Variants in COL6A3 observed in about 807,000 individuals in gnomAD.
COL6A3 encodes the protein collagen type VI alpha 3 chain.
In COL6A3, 137 loss-of-function variants were observed where a neutral mutation model predicts 274.1. The ratio of observed to expected loss-of-function variants is 0.50; its 90% CI spans 0.44 to 0.58. The LOEUF is 0.58. COL6A3 is among the 20% of genes least tolerant of loss of function. COL6A3 has a pLI of 0.00. For missense variants in COL6A3, 3,950 were observed against 4,124.9 expected (o/e 0.96, Z 1.16); for synonymous variants, 1,650 against 1,650.6 (o/e 1.00, Z 0.01).
At position 237,381,385 on chromosome 2, in the gene COL6A3, T is replaced by C; in HGVS notation, c.1427A>G (p.Glu476Gly). 6.2e-7 allele frequency: 1 copy of C among 1,614,192 alleles called. No individual in the cohort carries two copies. The highest frequency in any genetic ancestry group is 8.5e-7 in the Non-Finnish European group (1 of 1,180,040). Residue 476 changes from glutamate to glycine, a missense_variant, in exon 5 of 44, where the codon GAA (glutamate) becomes GGA (glycine). Transcript: ENST00000295550. Reference sequence around the variant, plus strand: ...CACCTGGATAAGATCCTGTCCGATTTCCAGCCTCTGGATGACTTTAGCAAT... The same window carrying C: ...CACCTGGATAAGATCCTGTCCGATTCCCAGCCTCTGGATGACTTTAGCAAT... ...DFIAKVIQRLEIGQDLIQVAV... is the reference protein window; with the variant it reads ...DFIAKVIQRLGIGQDLIQVAV...
chr2:237,405,724 C>T (rs1054634748), intron 1 of COL6A3, among the ~76,000 whole-genome samples: 2 of 152,252 alleles, frequency 1.3e-5, no homozygotes, highest in East Asian at 3.9e-4. Flanking sequence ...ATTTCCAAAG[C>T]TCATGGGAAG....
intron 1 of COL6A3, among the ~76,000 whole-genome samples, chr2:237,403,668 T>C (rs1208464041): frequency 3.9e-5 from 6 of 152,166 alleles, no homozygotes; most frequent in Non-Finnish European, 5.9e-5. Flanking sequence ...CATGGATATA[T>C]GTTAACACAA....
intron 36 of COL6A3, chr2:237,343,287 G>C (rs2077026864): frequency 6.6e-6 from 1 of 151,454 alleles, no homozygotes; most frequent in Non-Finnish European, 1.5e-5. Context: ...ACGTGGTCAG[G>C]AGTTCGAGAC....
rs762287373 is a variant in COL6A3, at chr2:237,357,821, G to A, written c.6533C>T (p.Pro2178Leu). The part of the protein sequence containing the change: ...GPKGETGDLG[P>L]MGVPGRDGVP... ...TAGGAATGTGCAGCACCTTACCATG[G>A]GGCCGAGGTCACCGGTTTCTCCTTT... The change falls in exon 22 of 44, where the codon CCC (proline) becomes CTC (leucine). Residue 2178 changes from proline to leucine, a missense_variant. Transcript: ENST00000295550. 2 of 1,614,040 alleles carry A rather than the reference G, an allele frequency of 1.2e-6. No homozygotes were observed. The highest frequency in any genetic ancestry group is 1.7e-6 in the Non-Finnish European group (2 of 1,179,988).
Position 237,374,766 on chromosome 2 carries a change from C to T in COL6A3, c.3325G>A (p.Gly1109Arg), listed in dbSNP as rs752924311. 3.1e-6 allele frequency: 5 copies of T among 1,613,948 alleles called. No homozygotes were observed. The highest frequency in any genetic ancestry group is 4.2e-6 in the Non-Finnish European group (5 of 1,179,942). Residue 1109 changes from glycine (G) to arginine (R), a missense_variant, in exon 8 of 44, where the codon GGG becomes AGG. This residue lies in a region of COL6A3 where 1,934 missense variants were observed against 1,984.3 expected (regional missense o/e 0.97). Coordinates refer to ENST00000295550, the MANE Select transcript of COL6A3 (RefSeq NM_004369.4). The surrounding 1 kb of genome is among the most constrained non-coding windows in gnomAD (Gnocchi z 4.8). The part of the protein sequence containing the change: ...TLLGGPTPNT[G>R]AALEFVLRNI... ...CTCAGGACAAACTCCAGGGCGGCCC[C>T]GGTGTTGGGGGTCGGCCCTCCCAGC...
chr2:237,404,580 T>C (rs2078676473), intron 1 of COL6A3, among the ~76,000 whole-genome samples: 4 of 152,194 alleles, frequency 2.6e-5, no homozygotes, highest in Admixed American at 2.6e-4. Context: ...GTCTCCTCAC[T>C]GTTGAGTCTG....
chr2:237,328,167 G>C (rs1700047149), intron 42 of COL6A3: 1 of 152,300 alleles, frequency 6.6e-6, no homozygotes, highest in African/African-American at 2.4e-5. Context: ...AACTAAGTTT[G>C]CTTGGAAAAC....
chr2:237,326,048 G>T (rs930566842), intron 42 of COL6A3: 15 of 203,820 alleles, frequency 7.4e-5, no homozygotes, highest in Non-Finnish European at 1.4e-4. Context: ...CAATCACTGG[G>T]CCATTTGCCC....
intron 40 of COL6A3, among the ~76,000 whole-genome samples, 174 bp from the exon 41 acceptor site, chr2:237,335,063 C>A (rs1472513456): frequency 1.3e-5 from 2 of 152,172 alleles, no homozygotes; most frequent in African/African-American, 4.8e-5. Context: ...CTCTTATAAT[C>A]TATCAGCATA....
At chr2:237,401,203 A>G (rs770522313) in intron 1 of COL6A3, among the ~76,000 whole-genome samples, 2 of 152,180 alleles carry the variant, frequency 1.3e-5, no homozygotes, top group Non-Finnish European at 2.9e-5. Context: ...AAAACTGAAA[A>G]CAGAATTATC....
rs1445007176 is a variant in COL6A3 at position 237,361,951 on chromosome 2, C to G, written c.6064-120G>C. 2.5e-5 allele frequency: 22 copies of G among 875,790 alleles called. No homozygotes were observed. Among genetic ancestry groups the G allele is most frequent in the Non-Finnish European group, 4.2e-5 (22 of 526,790 alleles). The allele number at this position is 875,790 out of a possible 1,614,324, so 54.3% of individuals were successfully genotyped here. On this transcript the variant is annotated intron_variant, in intron 14 of 43. Transcript: ENST00000295550. The surrounding 1 kb of genome is among the most constrained non-coding windows in gnomAD (Gnocchi z 5.1). ...GGGTTTCACGGTGTGAGATGAAGTCCCTCCAGGTGACATTTGCTGGACGAC... is the reference window on the plus strand; with the variant it reads ...GGGTTTCACGGTGTGAGATGAAGTCGCTCCAGGTGACATTTGCTGGACGAC...
chr2:237,354,839 G>A (rs2077282204), intron 24 of COL6A3, 60 bp downstream of exon 24: 2 of 1,454,280 alleles, frequency 1.4e-6, no homozygotes, highest in South Asian at 1.2e-5. Context: ...TTCACTCCTG[G>A]GCTGGGCGGC....
At chr2:237,335,928 C>A (rs773868141) in intron 40 of COL6A3, among the ~76,000 whole-genome samples, 6 of 152,184 alleles carry the variant, frequency 3.9e-5, no homozygotes, top group African/African-American at 1.4e-4. Context: ...GCTTCCCATC[C>A]CTATCGCAAG....
In COL6A3 at chr2:237,368,499, CT is replaced by C; in HGVS notation, c.4900+63del. Reference sequence around the variant, plus strand: ...AATTATTAAAAATGACTACTGATTACTTTTTTAACTAAAAAAAAAATGTTGA... The same window carrying C: ...AATTATTAAAAATGACTACTGATTACTTTTTAACTAAAAAAAAAATGTTGA... On this transcript the variant is annotated intron_variant, in intron 10 of 43. Transcript: ENST00000295550. The surrounding 1 kb of genome is among the most constrained non-coding windows in gnomAD (Gnocchi z 4.4). The C allele has an allele frequency of 6.3e-7, 1 of 1,586,686 alleles. No individual in the cohort carries two copies. Among genetic ancestry groups the C allele is most frequent in the South Asian group, 1.1e-5 (1 of 87,198 alleles).
At chr2:237,386,933 A>G (rs911071586) in intron 4 of COL6A3, among the ~76,000 whole-genome samples, 1 of 152,132 alleles carries the variant, frequency 6.6e-6, no homozygotes, top group African/African-American at 2.4e-5. Flanking sequence ...AACCACTCCA[A>G]TTGGCTGTTT....
chr2:237,380,349 C>A (rs959542630), intron 5 of COL6A3, among the ~76,000 whole-genome samples: 22 of 152,322 alleles, frequency 1.4e-4, no homozygotes, highest in Non-Finnish European at 2.6e-4. Context: ...AAATAACTCT[C>A]CACTGGCAAT....
chr2:237,377,092 C>G lies in COL6A3; in HGVS notation c.2750G>C (p.Gly917Ala). ...CCTCTGTGCATAGTCCAGCGCGTAG[C>G]CCAGGTTGAGGGCTTTGCCCGTCTT... ...KIKTGKALNL[G>A]YALDYAQRYI... The change falls in exon 7 of 44, where the codon GGC becomes GCC. Residue 917 changes from glycine (G) to alanine (A), a missense_variant. Gly to Ala is a moderately conservative substitution (Grantham distance 60). Transcript: ENST00000295550. 6.2e-7 allele frequency: 1 copy of G among 1,614,190 alleles called. No homozygotes were observed. Among genetic ancestry groups the G allele is most frequent in the Non-Finnish European group, 8.5e-7 (1 of 1,180,030 alleles).
chr2:237,379,330 G>T, intron 5 of COL6A3, 95 bp from the exon 6 acceptor site: 1 of 1,450,300 alleles, frequency 6.9e-7, no homozygotes, highest in Non-Finnish European at 9.7e-7. Flanking sequence ...CCAACATTTA[G>T]AACACAGAGA....
chr2:237,344,232 T>C lies in COL6A3; in HGVS notation c.7668+118A>G, dbSNP rs922401313. 20 of 1,496,368 alleles carry C rather than the reference T, an allele frequency of 1.3e-5. No individual in the cohort carries two copies. The highest frequency in any genetic ancestry group is 1.0e-4 in the Admixed American group (6 of 59,842). 92.7% of individuals were successfully genotyped at this position (1,496,368 alleles called of 1,614,324 possible). A position where few individuals can be genotyped will look rare whatever the true frequency, so the allele number is the denominator to read the frequency against. Reference sequence around the variant, plus strand: ...AGAAGTTCTCAGGCAGATGGCCTCATTGGGGACGTTTTAGGAGCTATGGGA... The same window carrying C: ...AGAAGTTCTCAGGCAGATGGCCTCACTGGGGACGTTTTAGGAGCTATGGGA... On this transcript the variant is annotated intron_variant, in intron 36 of 43. Transcript: ENST00000295550. This position sits in a 1 kb window ranked among gnomAD's most constrained non-coding sequence, Gnocchi z 4.8.
Sources: allele counts gnomAD v4.1 joint callset (sites outside exome capture counted in the v4.1 genomes callset), GRCh38; gene constraint gnomAD v4.1.1; regional missense constraint gnomAD v4.1.1; non-coding constraint Gnocchi (gnomAD v3.1); transcripts MANE v1.5; gene names NCBI Gene and HGNC (gene_info 2026-07-23, HGNC 2026-07-21).